SLC26A2: variants seen among roughly 807,000 people sequenced by gnomAD.
The protein encoded by SLC26A2 is solute carrier family 26 member 2.
In SLC26A2, 36 loss-of-function variants were observed where a neutral mutation model predicts 41.1. The observed-to-expected ratio is 0.88, with a 90% CI of 0.67 to 1.16. The LOEUF is 1.16. SLC26A2 is among the 50% of genes most tolerant of loss of function. The pLI is 0.00. For missense variants in SLC26A2, 796 were observed against 869.6 expected, an observed-to-expected ratio of 0.92 and a Z score of 1.07; for synonymous variants, 291 against 311.6, an observed-to-expected ratio of 0.93 and a Z score of 0.70.
In SLC26A2 at chr5:149,981,243, G is replaced by T; in HGVS notation, c.1650G>T (p.Lys550Asn). 1 of 1,613,894 alleles carries T rather than the reference G, an allele frequency of 6.2e-7. No homozygotes were observed. Among genetic ancestry groups the T allele is most frequent in the Non-Finnish European group, 8.5e-7 (1 of 1,179,766 alleles). Residue 550 changes from lysine (K) to asparagine (N), a missense_variant, in exon 3 of 3, where the codon AAG (lysine) becomes AAT (asparagine). Lys to Asn is a moderately conservative substitution (Grantham distance 94, BLOSUM62 0). Transcript: ENST00000286298. The stretch of plus-strand genomic sequence containing the variant: ...TCATCCTCCGCACTCAGAAGCCAAA[G>T]AGTTCACTGCTTGGCTTGGTGGAAG... ...FCVILRTQKP[K>N]SSLLGLVEES...
At chr5:149,975,352 T>C (rs1240386599) in intron 1 of SLC26A2, among the ~76,000 whole-genome samples, 2 of 152,248 alleles carry the variant, frequency 1.3e-5, no homozygotes, top group Admixed American at 6.5e-5. Flanking sequence ...TTTGTTTTAC[T>C]TTCTATGTGA....
rs187827556 is a variant in SLC26A2 at position 149,968,895 on chromosome 5, C to T, written c.-26+7916C>T. On this transcript the variant is annotated intron_variant, in intron 1 of 2. Transcript: ENST00000286298. ...GTTACAGCTGTGCAGGTGTACACCA[C>T]CACACCCAGCTAATTTTTGTATTTT... 8.4e-4 allele frequency among the ~76,000 whole-genome samples: 128 copies of T among 151,706 alleles called. 1 individual carries two copies. The Middle Eastern group carries it at 0.02, about 24-fold the overall frequency.
At chr5:149,962,497 C>A (rs927130400) in intron 1 of SLC26A2, among the ~76,000 whole-genome samples, 1 of 152,010 alleles carries the variant, frequency 6.6e-6, no homozygotes, top group African/African-American at 2.4e-5. Context: ...CGCTGCCATA[C>A]CTGGCTAGTT....
chr5:149,965,341 A>G (rs1264934554), intron 1 of SLC26A2, among the ~76,000 whole-genome samples: 3 of 151,880 alleles, frequency 2.0e-5, no homozygotes. Flanking sequence ...TTAGCCGGGC[A>G]TGGTGGCAGG....
chr5:149,967,906 T>G (rs970659518), intron 1 of SLC26A2, among the ~76,000 whole-genome samples: 1 of 151,856 alleles, frequency 6.6e-6, no homozygotes, highest in African/African-American at 2.4e-5. Flanking sequence ...TGAGCCACCC[T>G]GCCTGGCCCA....
Position 149,981,276 on chromosome 5 carries a change from G to A in SLC26A2, c.1683G>A (p.Glu561=). Residue 561 remains glutamate (E), a synonymous_variant, in exon 3 of 3, where the codon GAG becomes GAA. Coordinates refer to ENST00000286298, the MANE Select transcript of SLC26A2 (RefSeq NM_000112.4). Reference sequence around the variant, plus strand: ...TGCTTGGCTTGGTGGAAGAGTCTGAGGTCTTTGAATCTGTGTCTGCTTACA... The same window carrying A: ...TGCTTGGCTTGGTGGAAGAGTCTGAAGTCTTTGAATCTGTGTCTGCTTACA... ...SSLLGLVEES[E]VFESVSAYKN... is the part of the protein sequence containing the mutation. 1 of 1,614,112 alleles carries A rather than the reference G, an allele frequency of 6.2e-7. No homozygotes were observed. The highest frequency in any genetic ancestry group is 8.5e-7 in the Non-Finnish European group (1 of 1,180,002).
chr5:149,974,018 G>A (rs1754948702), intron 1 of SLC26A2, among the ~76,000 whole-genome samples: 1 of 152,092 alleles, frequency 6.6e-6, no homozygotes, highest in Admixed American at 6.5e-5. Context: ...GCTTGGTCGT[G>A]CACACCTGTA....
chr5:149,977,004 T>C (rs1331316699), intron 1 of SLC26A2, among the ~76,000 whole-genome samples: 1 of 152,234 alleles, frequency 6.6e-6, no homozygotes, highest in Non-Finnish European at 1.5e-5. Flanking sequence ...CTCTCCTCTT[T>C]CCTACCAAGC....
intron 2 of SLC26A2, among the ~76,000 whole-genome samples, chr5:149,980,086 A>T (rs1212392110): frequency 6.6e-6 from 1 of 152,218 alleles, no homozygotes; most frequent in Non-Finnish European, 1.5e-5. Flanking sequence ...AATAAGTAAC[A>T]GTGTGACCTT....
At chr5:149,968,067 T>C (rs1297849220) in intron 1 of SLC26A2, among the ~76,000 whole-genome samples, 1 of 152,110 alleles carries the variant, frequency 6.6e-6, no homozygotes, top group Non-Finnish European at 1.5e-5. Flanking sequence ...GTGTTAAGTT[T>C]CCTCCATGTT....
rs117801881 is a variant in SLC26A2 at position 149,972,152 on chromosome 5, A to G, written c.-25-5476A>G. On this transcript the variant is annotated intron_variant, in intron 1 of 2. Transcript: ENST00000286298. ...CAGGTTAGATATGTTCCTCCCTTGA[A>G]AACTTTCTAAACAAACTATTCTTAA... is the stretch of plus-strand genomic sequence containing the variant. Among the ~76,000 whole-genome samples, 642 of 152,358 alleles carry G rather than the reference A, an allele frequency of 4.2e-3. 6 individuals are homozygous for G. In the East Asian group the frequency reaches 0.045, roughly 11 times the overall value.
chr5:149,966,962 A>G (rs1754815739), intron 1 of SLC26A2, among the ~76,000 whole-genome samples: 1 of 152,240 alleles, frequency 6.6e-6, no homozygotes, highest in African/African-American at 2.4e-5. Context: ...TGGAACATTC[A>G]GTGACGATTT....
intron 1 of SLC26A2, chr5:149,962,039 C>T (rs932124483): frequency 6.6e-6 from 1 of 152,202 alleles, no homozygotes; most frequent in Admixed American, 6.5e-5. Context: ...AAACCATTGC[C>T]ATATGACTGC....
chr5:149,977,036 G>T (rs1027709819), intron 1 of SLC26A2, among the ~76,000 whole-genome samples: 1 of 152,184 alleles, frequency 6.6e-6, no homozygotes, highest in Non-Finnish European at 1.5e-5. Context: ...GTTCAAAGAC[G>T]CAAATGCATT....
chr5:149,986,102 G>A lies in SLC26A2; in HGVS notation c.*4289G>A, dbSNP rs1426425658. 3.3e-5 allele frequency: 5 copies of A among 152,120 alleles called. No individual in the cohort carries two copies. Among genetic ancestry groups the A allele is most frequent in the African/African-American group, 7.2e-5 (3 of 41,424 alleles). 9.4% of individuals were successfully genotyped at this position (152,120 alleles called of 1,614,324 possible). ...CCTTATTTGAAACTGGGCTTAAACT[G>A]CAAAAAGAATGAAGTTGGATTTAGG... On this transcript the variant is annotated 3_prime_UTR_variant, in exon 3 of 3. Transcript: ENST00000286298.
intron 1 of SLC26A2, among the ~76,000 whole-genome samples, chr5:149,961,624 A>T (rs984789477): frequency 6.6e-6 from 1 of 152,188 alleles, no homozygotes. Context: ...TTCCTTGCAC[A>T]GATTGGGGAT....
chr5:149,969,512 G>A (rs1262041915), intron 1 of SLC26A2, among the ~76,000 whole-genome samples: 5 of 152,062 alleles, frequency 3.3e-5, no homozygotes, highest in Non-Finnish European at 1.5e-5. Flanking sequence ...CCATCTTCCT[G>A]TATATCATCC....
chr5:149,971,385 A>G (rs1188039234), intron 1 of SLC26A2, among the ~76,000 whole-genome samples: 1 of 151,990 alleles, frequency 6.6e-6, no homozygotes, highest in African/African-American at 2.4e-5. Context: ...ACCTGTTTAT[A>G]GTTTAGTTTT....
At chr5:149,972,702 A>G (rs1340640682) in intron 1 of SLC26A2, among the ~76,000 whole-genome samples, 1 of 152,210 alleles carries the variant, frequency 6.6e-6, no homozygotes, top group Non-Finnish European at 1.5e-5. Flanking sequence ...TCAAGTAGAC[A>G]GCATATACTT....
Sources: gnomAD v4.1 joint callset for allele counts (sites outside exome capture counted in the v4.1 genomes callset) on GRCh38, gnomAD v4.1.1 for gene constraint, MANE v1.5 for transcripts, NCBI Gene and HGNC (gene_info 2026-07-23, HGNC 2026-07-21) for gene names.